Variants in LOC400499 observed in about 807,000 individuals in gnomAD.
chr16:11,505,114 A>G, the LOC400499 span, among the ~76,000 whole-genome samples: 5 of 151,340 alleles, frequency 3.3e-5, no homozygotes, highest in South Asian at 1.0e-3. Flanking sequence ...TCCTGAACCC[A>G]CACTCTTAAC....
At chr16:11,478,710 CAAAG>C in the LOC400499 span, 21 of 398,972 alleles carry the variant, frequency 5.3e-5, no homozygotes, top group Admixed American at 6.2e-4. Flanking sequence ...AGACAGGTCA[CAAAG>C]AACACAGTCA....
the LOC400499 span, among the ~76,000 whole-genome samples, chr16:11,393,013 C>T: frequency 6.6e-6 from 1 of 152,140 alleles, no homozygotes; most frequent in East Asian, 1.9e-4. Context: ...CGCTACTGTG[C>T]CCGGCTACTT....
At chr16:11,505,844 A>T in the LOC400499 span, among the ~76,000 whole-genome samples, 1 of 152,088 alleles carries the variant, frequency 6.6e-6, no homozygotes, top group African/African-American at 2.4e-5. Flanking sequence ...TAATTGCGAT[A>T]TCCATCACCG....
the LOC400499 span, among the ~76,000 whole-genome samples, chr16:11,457,552 C>T: frequency 1.4e-5 from 2 of 147,202 alleles, no homozygotes; most frequent in Non-Finnish European, 3.0e-5. Flanking sequence ...GAGATCGCAC[C>T]ACTGCACTCC....
chr16:11,446,810 G>T, the LOC400499 span: 1 of 1,536,140 alleles, frequency 6.5e-7, no homozygotes, highest in Non-Finnish European at 8.7e-7. Context: ...CGGCCATTCA[G>T]GACAACCCTA....
the LOC400499 span, among the ~76,000 whole-genome samples, chr16:11,436,275 G>T: frequency 6.6e-6 from 1 of 152,166 alleles, no homozygotes. Flanking sequence ...CACAGAAAAG[G>T]AGGCCCCAGA....
At chr16:11,411,624 CT>C in the LOC400499 span, among the ~76,000 whole-genome samples, 27 of 152,280 alleles carry the variant, frequency 1.8e-4, no homozygotes, top group African/African-American at 4.1e-4. Context: ...TCAGCTTCCC[CT>C]GAGCCTCAGT....
chr16:11,483,159 C>G, the LOC400499 span, among the ~76,000 whole-genome samples: 6 of 152,124 alleles, frequency 3.9e-5, no homozygotes, highest in African/African-American at 1.4e-4. Context: ...CTAACCATAT[C>G]GAGTGTTGGT....
chr16:11,375,589 A>T, the LOC400499 span, among the ~76,000 whole-genome samples: 9 of 151,972 alleles, frequency 5.9e-5, no homozygotes, highest in Non-Finnish European at 1.3e-4. Context: ...CTGGGATTAC[A>T]GGCGTGAGCC....
the LOC400499 span, chr16:11,407,321 C>T: frequency 2.5e-6 from 1 of 397,488 alleles, no homozygotes; most frequent in East Asian, 3.6e-5. Context: ...CTGAACCTCA[C>T]CCTTGGAGTA....
the LOC400499 span, among the ~76,000 whole-genome samples, chr16:11,517,513 T>C: frequency 6.6e-6 from 1 of 152,110 alleles, no homozygotes; most frequent in African/African-American, 2.4e-5. Flanking sequence ...CGGAGCAATG[T>C]AGTGTTTTGC....
the LOC400499 span, among the ~76,000 whole-genome samples, chr16:11,507,012 G>A: frequency 6.6e-6 from 1 of 152,188 alleles, no homozygotes; most frequent in Admixed American, 6.5e-5. Flanking sequence ...AATGCTGTAA[G>A]TAAAAGACAG....
At chr16:11,512,988 C>A in the LOC400499 span, among the ~76,000 whole-genome samples, 1 of 152,224 alleles carries the variant, frequency 6.6e-6, no homozygotes, top group Non-Finnish European at 1.5e-5. Flanking sequence ...AACGCTATTA[C>A]CAGCCAGAGC....
chr16:11,457,258 T>C, the LOC400499 span: 1 of 531,798 alleles, frequency 1.9e-6, no homozygotes. Flanking sequence ...GAATGTGAAA[T>C]AGTGCAGCTA....
chr16:11,387,310 G>C, the LOC400499 span: 1 of 1,232,120 alleles, frequency 8.1e-7, no homozygotes, highest in African/African-American at 1.6e-5. Context: ...AGGGAATGCA[G>C]AGGACAAGTC....
the LOC400499 span, among the ~76,000 whole-genome samples, chr16:11,380,109 A>G: frequency 6.6e-6 from 1 of 152,182 alleles, no homozygotes; most frequent in African/African-American, 2.4e-5. Flanking sequence ...CACCATGCCT[A>G]CTTTTTTTCA....
At chr16:11,425,837 C>A in the LOC400499 span, among the ~76,000 whole-genome samples, 2 of 152,158 alleles carry the variant, frequency 1.3e-5, no homozygotes, top group Non-Finnish European at 1.5e-5. Flanking sequence ...TGAGGATACT[C>A]GACTTGGTTT....
chr16:11,424,373 G>A, the LOC400499 span: 1 of 399,382 alleles, frequency 2.5e-6, no homozygotes, highest in Non-Finnish European at 4.4e-6. Flanking sequence ...GGGCAGGAGT[G>A]GGCAGAGCCC....
chr16:11,523,439 G>T, the LOC400499 span: 3 of 398,684 alleles, frequency 7.5e-6, no homozygotes, highest in Admixed American at 8.8e-5. Context: ...CAGTCATGCA[G>T]GAGGCCACCT....
Sources: gnomAD v4.1 joint callset for allele counts (sites outside exome capture counted in the v4.1 genomes callset) on GRCh38, gnomAD v4.1.1 for gene constraint, MANE v1.5 for transcripts.